The following SLCO1A2 variants were observed in gnomAD, a reference collection of about 807,000 sequenced individuals.
SLCO1A2 encodes the protein OATP-1.
In SLCO1A2, 67 loss-of-function variants were observed where a neutral mutation model predicts 69.0. The ratio of observed to expected loss-of-function variants is 0.97; its 90% confidence interval spans 0.80 to 1.19. The LOEUF (loss-of-function observed/expected upper bound fraction) is 1.19, where lower values mean the gene tolerates loss of function less well. Ranked by LOEUF, SLCO1A2 falls within the 50% of genes most tolerant of loss-of-function variation. The probability of loss-of-function intolerance (pLI) is 0.00; values close to 1 mark genes in which losing one functional copy is unlikely to be tolerated. For missense variants in SLCO1A2, 787 were observed against 793.7 expected, an observed-to-expected ratio of 0.99 and a Z score of 0.10; for synonymous variants, 260 against 265.9, an observed-to-expected ratio of 0.98 and a Z score of 0.22.
At chr12:21,415,603 A>AT (rs1164497370) in intron 1 of SLCO1A2, among the ~76,000 whole-genome samples, 2 of 152,000 alleles carry the variant, frequency 1.3e-5, no homozygotes, top group African/African-American at 2.4e-5. Context: ...ATATTGCTTC[A>AT]TTTATTGTGG....
chr12:21,294,918 T>C (rs1028004297), intron 10 of SLCO1A2: 2 of 152,184 alleles, frequency 1.3e-5, no homozygotes, highest in Admixed American at 6.5e-5. Flanking sequence ...TATTTCAATC[T>C]AATAAACCTT....
At chr12:21,396,710 C>T (rs12307049), upstream of SLCO1A2, among the ~76,000 whole-genome samples, 1,041 of 152,202 alleles carry the variant, frequency 6.8e-3, 10 homozygotes, top group African/African-American at 0.02. Context: ...AGAGTGGGGG[C>T]TAATATTCAA....
At chr12:21,371,309 C>T (rs117091430) in intron 2 of SLCO1A2, among the ~76,000 whole-genome samples, 49 of 152,254 alleles carry the variant, frequency 3.2e-4, no homozygotes, top group Non-Finnish European at 6.2e-4. Context: ...TCAAGCCCTG[C>T]CTCTGGAGTC....
Position 21,328,196 on chromosome 12 carries a change from C to T in SLCO1A2, c.60+6392G>A, listed in dbSNP as rs572345513. Among the ~76,000 whole-genome samples, 20 of 152,242 alleles carry T rather than the reference C, an allele frequency of 1.3e-4. No homozygotes were observed. The East Asian group carries it at 3.5e-3, about 26-fold the overall frequency. ...CATGTGGAACTGTGAGTCCATTAAACCCCTTTTTCTTTATAAATTACCCAG... is the reference window on the plus strand; with the variant it reads ...CATGTGGAACTGTGAGTCCATTAAATCCCTTTTTCTTTATAAATTACCCAG... On this transcript the variant is annotated intron_variant, in intron 2 of 14. Coordinates refer to ENST00000683939, the MANE Select transcript of SLCO1A2 (RefSeq NM_001386879.1).
At chr12:21,362,255 A>G (rs2137052101) in intron 2 of SLCO1A2, among the ~76,000 whole-genome samples, 1 of 152,320 alleles carries the variant, frequency 6.6e-6, no homozygotes, top group South Asian at 2.1e-4. Flanking sequence ...CAACATTCTT[A>G]AAGAAAAGAA....
In SLCO1A2 at chr12:21,292,277, C is replaced by T. The variant is rs746759359; in HGVS notation, c.1497G>A (p.Leu499=). ...AGGAACAGTCAGGTCCTTTGTCGCA[C>T]AGCCCAAGAACTGCAGATGAATTTC... The part of the protein sequence containing the change: ...TSGNSSAVLG[L]CDKGPDCSLM... The change falls in exon 12 of 15, where the codon CTG becomes CTA. Residue 499 remains leucine, a synonymous_variant. Transcript: ENST00000683939. The T allele has an allele frequency of 1.2e-6, 2 of 1,613,038 alleles. No individual in the cohort carries two copies. Among genetic ancestry groups the T allele is most frequent in the Non-Finnish European group, 8.5e-7 (1 of 1,179,226 alleles).
intron 6 of SLCO1A2, among the ~76,000 whole-genome samples, chr12:21,303,177 AG>A: frequency 6.6e-6 from 1 of 152,244 alleles, no homozygotes; most frequent in East Asian, 1.9e-4. Flanking sequence ...ATAATTATGT[AG>A]TTCTTTATTT....
intron 2 of SLCO1A2, among the ~76,000 whole-genome samples, chr12:21,341,458 T>C (rs80121592): frequency 9.6e-5 from 2 of 20,942 alleles, no homozygotes; most frequent in Non-Finnish European, 2.4e-4. Context: ...AATAAGAATA[T>C]AGAACACTTT....
chr12:21,358,812 A>T (rs1022037015), intron 2 of SLCO1A2, among the ~76,000 whole-genome samples: 4 of 152,190 alleles, frequency 2.6e-5, no homozygotes, highest in Admixed American at 6.5e-5. Context: ...CATAAGTCTA[A>T]ATACCTACCA....
intron 2 of SLCO1A2, among the ~76,000 whole-genome samples, chr12:21,356,698 G>A (rs1591875450): frequency 6.6e-6 from 1 of 152,206 alleles, no homozygotes; most frequent in East Asian, 1.9e-4. Context: ...TCATGAAGCA[G>A]AAAACACAGG....
chr12:21,282,119 GAA>G (rs377032786), intron 12 of SLCO1A2, among the ~76,000 whole-genome samples: 19 of 116,800 alleles, frequency 1.6e-4, no homozygotes, highest in African/African-American at 1.8e-4. Flanking sequence ...AGACACATAA[GAA>G]AAAAAAAAAA....
At chr12:21,338,546 A>G (rs1952963675), upstream of SLCO1A2, among the ~76,000 whole-genome samples, 1 of 151,796 alleles carries the variant, frequency 6.6e-6, no homozygotes. Flanking sequence ...CTATATTCGG[A>G]ATTGAGCCCA....
chr12:21,375,198 G>T (rs1388529602), intron 1 of SLCO1A2, among the ~76,000 whole-genome samples: 1 of 152,074 alleles, frequency 6.6e-6, no homozygotes, highest in Non-Finnish European at 1.5e-5. Flanking sequence ...AATATTACTT[G>T]TTATAAAATT....
intron 5 of SLCO1A2, among the ~76,000 whole-genome samples, chr12:21,306,275 G>A (rs1447810425): frequency 6.6e-6 from 1 of 151,806 alleles, no homozygotes; most frequent in Non-Finnish European, 1.5e-5. Context: ...ATCCTTATAA[G>A]ATGTTTTCCT....
At chr12:21,327,718 T>A (rs1411073827) in intron 2 of SLCO1A2, among the ~76,000 whole-genome samples, 1 of 152,198 alleles carries the variant, frequency 6.6e-6, no homozygotes, top group Non-Finnish European at 1.5e-5. Flanking sequence ...GTTTATTTAC[T>A]CAATGCCTGT....
intron 14 of SLCO1A2, among the ~76,000 whole-genome samples, chr12:21,271,868 A>G (rs1269991014): frequency 6.7e-6 from 1 of 149,088 alleles, no homozygotes; most frequent in Non-Finnish European, 1.5e-5. Flanking sequence ...GTACATATGC[A>G]AATATATACA....
chr12:21,393,950 T>G (rs1326210621), intron 1 of SLCO1A2, among the ~76,000 whole-genome samples: 3 of 152,204 alleles, frequency 2.0e-5, no homozygotes, highest in Admixed American at 6.5e-5. Context: ...AACATCTTCA[T>G]GTAAACATAT....
At chr12:21,270,111 C>T (rs538564782) in intron 14 of SLCO1A2, among the ~76,000 whole-genome samples, 1 of 151,880 alleles carries the variant, frequency 6.6e-6, no homozygotes, top group African/African-American at 2.4e-5. Flanking sequence ...AGTAAGAATG[C>T]TTCCAAAGAA....
At chr12:21,360,342 C>T (rs764906) in intron 2 of SLCO1A2, among the ~76,000 whole-genome samples, 49,250 of 151,946 alleles carry the variant, frequency 0.32, 8,291 homozygotes, top group East Asian at 0.46. Flanking sequence ...AGGTGTAAAA[C>T]GACACCAATA....
Sources: allele counts gnomAD v4.1 joint callset (sites outside exome capture counted in the v4.1 genomes callset), GRCh38; gene constraint gnomAD v4.1.1; transcripts MANE v1.5; gene names NCBI Gene and HGNC (gene_info 2026-07-23, HGNC 2026-07-21).